Variants in ADGRB3 observed in about 807,000 individuals in gnomAD.
The protein encoded by ADGRB3 is adhesion G protein-coupled receptor B3, also known as brain-specific angiogenesis inhibitor 3.
ADGRB3 carries 37 observed loss-of-function variants against 193.4 expected under a neutral mutation model. The ratio of observed to expected loss-of-function variants is 0.19; its 90% CI spans 0.15 to 0.25. ADGRB3 has a LOEUF of 0.25. Among genes scored for constraint, ADGRB3 ranks in the 10% least tolerant of loss-of-function variants. The pLI, the probability that ADGRB3 is intolerant of heterozygous loss-of-function variation, is 1.00. For synonymous variants in ADGRB3, 690 were observed against 644.2 expected, an observed-to-expected ratio of 1.07 and a Z score of -1.08; for missense variants, 1,637 against 1,852.9, an observed-to-expected ratio of 0.88 and a Z score of 2.14.
In ADGRB3 at chr6:68,792,853, C is replaced by T. The variant is rs144197729; in HGVS notation, c.758-137706C>T. 4.5e-3 allele frequency among the ~76,000 whole-genome samples: 687 copies of T among 152,248 alleles called. 4 individuals are homozygous for T. Among genetic ancestry groups the T allele is most frequent in the Non-Finnish European group, 8.4e-3 (570 of 68,022 alleles). On this transcript the variant is annotated intron_variant, in intron 3 of 31. Transcript: ENST00000370598. Reference sequence around the variant, plus strand: ...ACTGGAGCAAATGTCCAGGATTACTCCATGGACACTGTGTAATATTTACAT... The same window carrying T: ...ACTGGAGCAAATGTCCAGGATTACTTCATGGACACTGTGTAATATTTACAT...
intron 3 of ADGRB3, among the ~76,000 whole-genome samples, chr6:68,749,896 T>G (rs1766162680): frequency 1.3e-5 from 2 of 152,186 alleles, no homozygotes; most frequent in South Asian, 4.1e-4. Flanking sequence ...TCTGAATCTA[T>G]AAAATATTAC....
At chr6:68,840,092 A>G (rs775571820) in intron 3 of ADGRB3, among the ~76,000 whole-genome samples, 15 of 151,992 alleles carry the variant, frequency 9.9e-5, no homozygotes, top group Non-Finnish European at 1.9e-4. Flanking sequence ...ACAGGCTAAT[A>G]CTCTGGGATT....
At chr6:69,045,161 C>A (rs959332354) in intron 13 of ADGRB3, among the ~76,000 whole-genome samples, 1 of 152,030 alleles carries the variant, frequency 6.6e-6, no homozygotes, top group Non-Finnish European at 1.5e-5. Context: ...CAGTTAAACT[C>A]TGAAGAAGGA....
rs997233590 is a variant in ADGRB3, at chr6:68,721,230, T to C, written c.757+81798T>C. Among the ~76,000 whole-genome samples the C allele has an allele frequency of 2.0e-5, 3 of 152,020 alleles. No homozygotes were observed. In the South Asian group the frequency reaches 6.2e-4, roughly 32 times the overall value. On this transcript the variant is annotated intron_variant, in intron 3 of 31. Transcript: ENST00000370598. ...AGCAAAGACTTGGAACCAACCCAAA[T>C]GTCCAACAATGATAGACTGGATTAA...
chr6:69,310,182 T>G (rs1768160782), intron 20 of ADGRB3, among the ~76,000 whole-genome samples: 1 of 151,808 alleles, frequency 6.6e-6, no homozygotes, highest in Non-Finnish European at 1.5e-5. Context: ...TTTGCTTCTC[T>G]TTTCTTGTTG....
At chr6:68,787,207 A>C (rs1219154724) in intron 3 of ADGRB3, among the ~76,000 whole-genome samples, 6 of 152,134 alleles carry the variant, frequency 3.9e-5, no homozygotes, top group Non-Finnish European at 8.8e-5. Flanking sequence ...AGGAGTGGTG[A>C]GAGAGGGCAT....
intron 13 of ADGRB3, among the ~76,000 whole-genome samples, chr6:69,021,564 A>C (rs1456485544): frequency 1.3e-5 from 2 of 151,926 alleles, no homozygotes; most frequent in Non-Finnish European, 2.9e-5. Context: ...AATAATAACA[A>C]AGAAATACTT....
chr6:68,751,222 C>T (rs922210037), intron 3 of ADGRB3, among the ~76,000 whole-genome samples: 2 of 152,154 alleles, frequency 1.3e-5, no homozygotes, highest in African/African-American at 2.4e-5. Flanking sequence ...TAACACAAAA[C>T]TCCTCACTGG....
chr6:69,221,687 T>C (rs1042125045), intron 17 of ADGRB3, among the ~76,000 whole-genome samples: 1 of 152,180 alleles, frequency 6.6e-6, no homozygotes, highest in Non-Finnish European at 1.5e-5. Context: ...ATTTCGTATA[T>C]GGTTCTTTTT....
chr6:69,236,213 C>T (rs1582567009), intron 19 of ADGRB3, among the ~76,000 whole-genome samples: 1 of 151,914 alleles, frequency 6.6e-6, no homozygotes, highest in African/African-American at 2.4e-5. Flanking sequence ...TTAATTGTCA[C>T]ATATTTAAAT....
In ADGRB3 at chr6:68,983,873, A is replaced by G. The variant is rs530431338; in HGVS notation, c.1734+8533A>G. Among the ~76,000 whole-genome samples the G allele has an allele frequency of 7.5e-4, 115 of 152,344 alleles. 1 individual carries two copies. The highest frequency in any genetic ancestry group is 2.6e-3 in the African/African-American group (109 of 41,584). The stretch of plus-strand genomic sequence containing the variant: ...CAGTGAGGTCTCTCTATTTCTTCTT[A>G]GAAATAACATTTAATACTGTGACCT... On this transcript the variant is annotated intron_variant, in intron 10 of 31. Transcript: ENST00000370598.
At chr6:69,249,244 A>T (rs995022200) in intron 20 of ADGRB3, among the ~76,000 whole-genome samples, 2 of 152,092 alleles carry the variant, frequency 1.3e-5, no homozygotes, top group African/African-American at 4.8e-5. Context: ...CCAAAGTGCC[A>T]GGATTACAGG....
At chr6:68,965,723 G>A (rs1165986364) in intron 8 of ADGRB3, among the ~76,000 whole-genome samples, 2 of 152,026 alleles carry the variant, frequency 1.3e-5, no homozygotes, top group Non-Finnish European at 2.9e-5. Flanking sequence ...TTATATCTTT[G>A]CACTAGTAAG....
chr6:69,108,998 C>A (rs956446658), intron 17 of ADGRB3, among the ~76,000 whole-genome samples: 1 of 152,154 alleles, frequency 6.6e-6, no homozygotes, highest in African/African-American at 2.4e-5. Context: ...GCTGCACCAA[C>A]ACCCTACTAA....
At chr6:69,214,433 G>A (rs1183966476) in intron 17 of ADGRB3, among the ~76,000 whole-genome samples, 1 of 152,008 alleles carries the variant, frequency 6.6e-6, no homozygotes, top group Non-Finnish European at 1.5e-5. Flanking sequence ...TTCCTAGCAG[G>A]CAAAACAGAC....
chr6:69,248,644 C>G (rs912559034), intron 20 of ADGRB3, among the ~76,000 whole-genome samples: 1 of 152,196 alleles, frequency 6.6e-6, no homozygotes, highest in Non-Finnish European at 1.5e-5. Flanking sequence ...CATATGCTGT[C>G]TGTTGAATCT....
At chr6:69,360,800 A>G (rs1769433457) in intron 28 of ADGRB3, 69 bp from the exon 29 acceptor site, 1 of 1,436,332 alleles carries the variant, frequency 7.0e-7, no homozygotes. Flanking sequence ...AAGCGAGACA[A>G]CATAATATAA....
intron 14 of ADGRB3, 39 bp from the exon 15 acceptor site, chr6:69,049,232 C>T (rs1264139154): frequency 1.4e-6 from 2 of 1,426,790 alleles, no homozygotes; most frequent in Non-Finnish European, 2.0e-6. Context: ...ATAGTATTTT[C>T]TTGCTGTTTG....
chr6:69,045,517 C>T (rs1301079942), intron 13 of ADGRB3, among the ~76,000 whole-genome samples: 2 of 152,010 alleles, frequency 1.3e-5, no homozygotes, highest in Non-Finnish European at 2.9e-5. Context: ...TAAGTGTTCT[C>T]ACCACACAAA....
Sources: allele counts gnomAD v4.1 joint callset (sites outside exome capture counted in the v4.1 genomes callset), GRCh38; gene constraint gnomAD v4.1.1; transcripts MANE v1.5; gene names NCBI Gene and HGNC (gene_info 2026-07-23, HGNC 2026-07-21).